The following ARHGAP19 variants were observed in gnomAD, a reference collection of about 807,000 sequenced individuals.
ARHGAP19 encodes Rho GTPase activating protein 19, also known as rho GTPase-activating protein 19.
In ARHGAP19, 48 loss-of-function variants were observed where a neutral mutation model predicts 60.9. The observed-to-expected ratio is 0.79, with a 90% CI of 0.62 to 1.00. The LOEUF (loss-of-function observed/expected upper bound fraction) is 1.00, where lower values mean the gene tolerates loss of function less well. Among genes scored for constraint, ARHGAP19 ranks in the 50% least tolerant of loss-of-function variants. ARHGAP19 has a pLI of 0.00. For missense variants in ARHGAP19, 562 were observed against 597.2 expected, an observed-to-expected ratio of 0.94 and a Z score of 0.61; for synonymous variants, 209 against 215.5, an observed-to-expected ratio of 0.97 and a Z score of 0.27.
At chr10:97,274,308 T>C (rs1163666949) in intron 1 of ARHGAP19, among the ~76,000 whole-genome samples, 1 of 151,836 alleles carries the variant, frequency 6.6e-6, no homozygotes, top group Non-Finnish European at 1.5e-5. Flanking sequence ...TACTAAAAAA[T>C]ACAAAAATTA....
At chr10:97,290,630 G>A (rs1843218566) in intron 1 of ARHGAP19, among the ~76,000 whole-genome samples, 1 of 152,094 alleles carries the variant, frequency 6.6e-6, no homozygotes, top group Non-Finnish European at 1.5e-5. Flanking sequence ...TGTGAGCAAG[G>A]ACCCCCGGTA....
chr10:97,235,748 T>C (rs1488740492), intron 8 of ARHGAP19, among the ~76,000 whole-genome samples: 1 of 152,192 alleles, frequency 6.6e-6, no homozygotes, highest in Non-Finnish European at 1.5e-5. Flanking sequence ...AATGGACATC[T>C]ATCATGACTG....
At chr10:97,250,434 G>C (rs1280051805) in intron 6 of ARHGAP19, among the ~76,000 whole-genome samples, 1 of 150,688 alleles carries the variant, frequency 6.6e-6, no homozygotes, top group African/African-American at 2.4e-5. Context: ...CGCCAGGCTG[G>C]AGTGCAATGG....
chr10:97,246,394 T>C (rs1842564481), intron 6 of ARHGAP19, 57 bp from the exon 7 acceptor site: 3 of 1,367,902 alleles, frequency 2.2e-6, no homozygotes, highest in Non-Finnish European at 3.1e-6. Flanking sequence ...ATAACATTCT[T>C]TCAGGCCGCA....
chr10:97,236,151 A>G (rs926019304), intron 8 of ARHGAP19, among the ~76,000 whole-genome samples: 20 of 151,670 alleles, frequency 1.3e-4, no homozygotes, highest in African/African-American at 2.4e-4. Flanking sequence ...AATTTTTTCT[A>G]TTTTTAGTAG....
intron 4 of ARHGAP19, 38 bp downstream of exon 4, chr10:97,263,382 A>G (rs1361410714): frequency 6.3e-7 from 1 of 1,585,266 alleles, no homozygotes; most frequent in African/African-American, 1.3e-5. Context: ...AAATTGAAAG[A>G]AATGTATTTA....
chr10:97,274,945 T>C (rs1392518418), intron 1 of ARHGAP19: 2 of 152,274 alleles, frequency 1.3e-5, no homozygotes, highest in African/African-American at 4.8e-5. Flanking sequence ...GTAGCAGCTT[T>C]CCTCTGGATA....
At chr10:97,292,486 G>T in intron 1 of ARHGAP19, 86 bp downstream of exon 1, 7 of 1,499,946 alleles carry the variant, frequency 4.7e-6, no homozygotes, top group South Asian at 2.3e-5. Flanking sequence ...AGCCCGAACC[G>T]TGCGCCTCCG....
At chr10:97,244,601 G>A (rs1284317601) in intron 7 of ARHGAP19, among the ~76,000 whole-genome samples, 1 of 152,146 alleles carries the variant, frequency 6.6e-6, no homozygotes, top group Admixed American at 6.6e-5. Flanking sequence ...TCTGACTCTT[G>A]GCTAATACTC....
intron 1 of ARHGAP19, chr10:97,277,842 G>C (rs181598472): frequency 3.3e-5 from 5 of 152,308 alleles, no homozygotes; most frequent in East Asian, 3.9e-4. Context: ...GAGCAGATTT[G>C]CTGAGGCTTT....
At chr10:97,268,089 G>T (rs1427874947) in intron 1 of ARHGAP19, among the ~76,000 whole-genome samples, 1 of 152,082 alleles carries the variant, frequency 6.6e-6, no homozygotes, top group Non-Finnish European at 1.5e-5. Flanking sequence ...GCTTCCTCTT[G>T]AACACTTTGC....
chr10:97,245,569 C>T (rs1842551227), intron 7 of ARHGAP19, among the ~76,000 whole-genome samples: 1 of 146,610 alleles, frequency 6.8e-6, no homozygotes, highest in Non-Finnish European at 1.5e-5. Context: ...GCACTCCAGC[C>T]TACCCAACAG....
At chr10:97,292,432 C>A in intron 1 of ARHGAP19, 140 bp downstream of exon 1, 1 of 1,140,144 alleles carries the variant, frequency 8.8e-7, no homozygotes, top group Non-Finnish European at 1.3e-6. Flanking sequence ...CGCCTCAGCC[C>A]CCGCAGGCGC....
At chr10:97,227,976 CA>C (rs1321281318) in intron 11 of ARHGAP19, among the ~76,000 whole-genome samples, 1 of 152,112 alleles carries the variant, frequency 6.6e-6, no homozygotes. Context: ...GTAACTGATA[CA>C]AAACAATGTA....
At chr10:97,268,677 G>C (rs1181135755) in intron 1 of ARHGAP19, among the ~76,000 whole-genome samples, 1 of 152,114 alleles carries the variant, frequency 6.6e-6, no homozygotes, top group Non-Finnish European at 1.5e-5. Context: ...ATCAGCTCTT[G>C]TGAGACTTAT....
chr10:97,252,114 T>C (rs936986162), intron 6 of ARHGAP19, among the ~76,000 whole-genome samples: 2 of 151,918 alleles, frequency 1.3e-5, no homozygotes, highest in Non-Finnish European at 2.9e-5. Flanking sequence ...AGGACAGAAC[T>C]AGTAATAGTT....
chr10:97,253,309 C>T (rs370579042), intron 6 of ARHGAP19, among the ~76,000 whole-genome samples: 5 of 149,574 alleles, frequency 3.3e-5, no homozygotes, highest in African/African-American at 7.4e-5. Context: ...ACCCAGGAGA[C>T]GGAGGCTGCA....
rs568770938 is a variant in ARHGAP19, at chr10:97,282,476, T to C, written c.56+10096A>G. On this transcript the variant is annotated intron_variant, in intron 1 of 11. Coordinates refer to ENST00000358531, the MANE Select transcript of ARHGAP19 (RefSeq NM_032900.6). ...CAGTTTCTTGAGCCAATTAATAGAG[T>C]CTCTTTTTGCTTAAGCTAGTTTTAG... 5.2e-4 allele frequency among the ~76,000 whole-genome samples: 79 copies of C among 152,242 alleles called. 1 individual carries two copies. The highest frequency in any genetic ancestry group is 1.9e-3 in the African/African-American group (77 of 41,550).
intron 1 of ARHGAP19, among the ~76,000 whole-genome samples, chr10:97,268,137 A>C (rs555606104): frequency 6.6e-6 from 1 of 152,254 alleles, no homozygotes; most frequent in East Asian, 1.9e-4. Context: ...ATCTCTCTCA[A>C]GTTCAAAGTT....
Sources: gnomAD v4.1 joint callset for allele counts (sites outside exome capture counted in the v4.1 genomes callset) on GRCh38, gnomAD v4.1.1 for gene constraint, MANE v1.5 for transcripts, NCBI Gene and HGNC (gene_info 2026-07-23, HGNC 2026-07-21) for gene names.